The following PRMT8 variants were observed in gnomAD, a reference collection of about 807,000 sequenced individuals.
The protein encoded by PRMT8 is protein arginine methyltransferase 8, also known as protein arginine N-methyltransferase 8.
In PRMT8, 7 loss-of-function variants were observed where a neutral mutation model predicts 47.1. The observed-to-expected ratio is 0.15, with a 90% CI of 0.08 to 0.28. PRMT8 has a LOEUF of 0.28. Ranked by LOEUF, PRMT8 falls within the 10% of genes least tolerant of loss-of-function variation. The pLI is 1.00. For missense variants in PRMT8, 237 were observed against 505.4 expected, an observed-to-expected ratio of 0.47 and a Z score of 5.09; for synonymous variants, 188 against 186.5, an observed-to-expected ratio of 1.01 and a Z score of -0.07.
chr12:3,398,940 A>G (rs1476727545), intron 1 of PRMT8, among the ~76,000 whole-genome samples: 2 of 152,166 alleles, frequency 1.3e-5, no homozygotes, highest in African/African-American at 4.8e-5. Flanking sequence ...GAGGATGGAG[A>G]TGAAAGTCCA....
In PRMT8 at chr12:3,514,061, G is replaced by A. The variant is rs1312446425; in HGVS notation, c.75+22361G>A. On this transcript the variant is annotated intron_variant, in intron 1 of 9. Transcript: ENST00000382622. This position sits in a 1 kb window ranked among gnomAD's most constrained non-coding sequence, Gnocchi z 5.9. ...GCAGGGGGCAGGGGCAGGATTTATT[G>A]TGATTGTCCTTTGGAGAGGGAAGCT... is the stretch of plus-strand genomic sequence containing the variant. Among the ~76,000 whole-genome samples, 1 of 152,200 alleles carries A rather than the reference G, an allele frequency of 6.6e-6. No homozygotes were observed. The highest frequency in any genetic ancestry group is 6.5e-5 in the Admixed American group (1 of 15,286).
At chr12:3,506,265 T>C (rs749949822) in intron 1 of PRMT8, among the ~76,000 whole-genome samples, 1 of 152,236 alleles carries the variant, frequency 6.6e-6, no homozygotes, top group Non-Finnish European at 1.5e-5. Flanking sequence ...ATAAAGCACA[T>C]GTCTGGCACA....
chr12:3,445,987 A>G (rs925267035), intron 1 of PRMT8, among the ~76,000 whole-genome samples: 2 of 152,138 alleles, frequency 1.3e-5, no homozygotes, highest in Non-Finnish European at 2.9e-5. Flanking sequence ...TAGATTGATA[A>G]GCCTTCACTA....
chr12:3,412,849 A>T (rs1290792047), intron 1 of PRMT8, among the ~76,000 whole-genome samples: 1 of 152,144 alleles, frequency 6.6e-6, no homozygotes, highest in Non-Finnish European at 1.5e-5. Flanking sequence ...TCCTGACCTC[A>T]TGATCCACCC....
chr12:3,584,018 T>G (rs1393440568), intron 8 of PRMT8, among the ~76,000 whole-genome samples: 3 of 152,178 alleles, frequency 2.0e-5, no homozygotes, highest in Non-Finnish European at 4.4e-5. Flanking sequence ...AGTCAGAGGC[T>G]CTCATCATCC....
intron 1 of PRMT8, among the ~76,000 whole-genome samples, chr12:3,499,169 A>C (rs868806780): frequency 5.4e-5 from 7 of 130,728 alleles, no homozygotes; most frequent in African/African-American, 2.1e-4. Context: ...ATTTTTATTT[A>C]TTTATTTATT....
intron 1 of PRMT8, among the ~76,000 whole-genome samples, chr12:3,446,842 C>G (rs1461736093): frequency 6.6e-6 from 1 of 152,244 alleles, no homozygotes; most frequent in African/African-American, 2.4e-5. Flanking sequence ...GCCCCATGTG[C>G]TTTAGAAGAG....
chr12:3,519,435 T>G (rs1370647654), intron 1 of PRMT8, among the ~76,000 whole-genome samples: 1 of 151,968 alleles, frequency 6.6e-6, no homozygotes, highest in Non-Finnish European at 1.5e-5. Context: ...CGGGAAAGGA[T>G]GCAGTGTGGC....
At chr12:3,398,079 C>T (rs921939086) in intron 1 of PRMT8, among the ~76,000 whole-genome samples, 6 of 152,150 alleles carry the variant, frequency 3.9e-5, no homozygotes, top group East Asian at 1.9e-4. Flanking sequence ...GCACGGTGCG[C>T]GCACCCACTG....
chr12:3,444,410 A>G (rs1864835690), intron 1 of PRMT8, among the ~76,000 whole-genome samples: 1 of 152,204 alleles, frequency 6.6e-6, no homozygotes, highest in Non-Finnish European at 1.5e-5. Flanking sequence ...CCACTGTCCT[A>G]AGCAGCCCCA....
chr12:3,540,629 C>G lies in PRMT8; in HGVS notation c.99C>G (p.Pro33=). Residue 33 remains proline (P), a synonymous_variant, in exon 2 of 10, where the codon CCC becomes CCG. Transcript: ENST00000382622. Reference sequence around the variant, plus strand: ...AGGTGAACAGCCCCCCCTCCCAGCCCCCCCAGCCCGTCGTCCCTGCTAAGC... The same window carrying G: ...AGGTGAACAGCCCCCCCTCCCAGCCGCCCCAGCCCGTCGTCCCTGCTAAGC... ...STEVNSPPSQ[P]PQPVVPAKPV... The G allele has an allele frequency of 6.5e-7, 1 of 1,535,098 alleles. No individual in the cohort carries two copies. Among genetic ancestry groups the G allele is most frequent in the Non-Finnish European group, 9.0e-7 (1 of 1,110,202 alleles).
intron 1 of PRMT8, among the ~76,000 whole-genome samples, chr12:3,406,496 T>C (rs1864373914): frequency 6.6e-6 from 1 of 152,216 alleles, no homozygotes. Context: ...TATGCTCTGC[T>C]TCCTCTTGAA....
At chr12:3,560,088 C>T (rs59177271) in intron 4 of PRMT8, among the ~76,000 whole-genome samples, 193 of 152,286 alleles carry the variant, frequency 1.3e-3, no homozygotes, top group Admixed American at 2.7e-3. Flanking sequence ...TTTTTCCTCC[C>T]AGGGTTTGCA....
chr12:3,473,334 A>G (rs564429792), intron 1 of PRMT8, among the ~76,000 whole-genome samples: 3 of 151,940 alleles, frequency 2.0e-5, no homozygotes, highest in Non-Finnish European at 4.4e-5. Context: ...AGGCTTCTCC[A>G]TGGGATGCAG....
chr12:3,561,070 A>T (rs1866628373), intron 4 of PRMT8, among the ~76,000 whole-genome samples: 1 of 152,222 alleles, frequency 6.6e-6, no homozygotes, highest in Admixed American at 6.5e-5. Context: ...GCAACCACCC[A>T]GTCCTGGGAT....
At chr12:3,483,794 T>C (rs1865297191) in intron 1 of PRMT8, among the ~76,000 whole-genome samples, 1 of 152,362 alleles carries the variant, frequency 6.6e-6, no homozygotes, top group Admixed American at 6.5e-5. Flanking sequence ...TTTTCAATAA[T>C]CTGCGATTTG....
At chr12:3,555,414 G>T (rs537494672) in intron 4 of PRMT8, among the ~76,000 whole-genome samples, 1 of 152,194 alleles carries the variant, frequency 6.6e-6, no homozygotes, top group Non-Finnish European at 1.5e-5. Flanking sequence ...CAGTACAAAG[G>T]CCTCTGGGAT....
chr12:3,392,821 CCCA>C (rs1864208249), intron 1 of PRMT8, among the ~76,000 whole-genome samples: 3 of 152,044 alleles, frequency 2.0e-5, no homozygotes, highest in Admixed American at 2.0e-4. Context: ...AGTTTACAGT[CCCA>C]CCAACAGTGT....
At chr12:3,455,236 G>A (rs147888286) in intron 1 of PRMT8, among the ~76,000 whole-genome samples, 4 of 152,344 alleles carry the variant, frequency 2.6e-5, no homozygotes, top group Non-Finnish European at 5.9e-5. Flanking sequence ...CTCCTGTGCA[G>A]TGGGCATACG....
Sources: allele counts gnomAD v4.1 joint callset (sites outside exome capture counted in the v4.1 genomes callset), GRCh38; gene constraint gnomAD v4.1.1; non-coding constraint Gnocchi (gnomAD v3.1); transcripts MANE v1.5; gene names NCBI Gene and HGNC (gene_info 2026-07-23, HGNC 2026-07-21).